TMED2: variants seen among roughly 807,000 people sequenced by gnomAD.
TMED2 encodes transmembrane p24 trafficking protein 2.
TMED2 carries 3 observed loss-of-function variants against 17.5 expected under a neutral mutation model. The ratio of observed to expected loss-of-function variants is 0.17; its 90% CI spans 0.08 to 0.44. The LOEUF is 0.44. Among genes scored for constraint, TMED2 ranks in the 20% least tolerant of loss-of-function variants. TMED2 has a pLI of 0.99. For synonymous variants in TMED2, 95 were observed against 91.0 expected (o/e 1.04, Z -0.25); for missense variants, 149 against 254.8 (o/e 0.58, Z 2.83).
At chr12:123,585,835 C>A (rs568103809) in intron 1 of TMED2, 1 of 152,226 alleles carries the variant, frequency 6.6e-6, no homozygotes, top group Non-Finnish European at 1.5e-5. Flanking sequence ...CTAGTCCTTT[C>A]CCCTAAGCCT....
intron 3 of TMED2, among the ~76,000 whole-genome samples, chr12:123,592,126 GT>G: frequency 6.6e-6 from 1 of 152,312 alleles, no homozygotes; most frequent in South Asian, 2.1e-4. Flanking sequence ...ATCCCCACTT[GT>G]TTTAGGAGTG....
At chr12:123,584,968 C>T in intron 1 of TMED2, 152 bp downstream of exon 1, 4 of 1,010,022 alleles carry the variant, frequency 4.0e-6, no homozygotes, top group Non-Finnish European at 5.6e-6. Context: ...CCCGCCCCGC[C>T]CCGGCCACGG....
intron 2 of TMED2, among the ~76,000 whole-genome samples, chr12:123,588,094 A>G (rs1953365141): frequency 6.6e-6 from 1 of 151,048 alleles, no homozygotes; most frequent in African/African-American, 2.4e-5. Flanking sequence ...TTGCAGTTAG[A>G]GTGTTCATTG....
chr12:123,593,137 A>G (rs1045929199), intron 3 of TMED2, among the ~76,000 whole-genome samples: 9 of 152,188 alleles, frequency 5.9e-5, no homozygotes, highest in African/African-American at 2.2e-4. Context: ...GGAGTTGCCT[A>G]GGCTGGTCTT....
intron 1 of TMED2, chr12:123,585,119 C>A: frequency 3.0e-6 from 1 of 328,188 alleles, no homozygotes; most frequent in Non-Finnish European, 5.8e-6. Context: ...CTTTGTGAAT[C>A]AGGCGCCGCG....
At chr12:123,587,309 G>A (rs906586914) in intron 2 of TMED2, among the ~76,000 whole-genome samples, 5 of 152,112 alleles carry the variant, frequency 3.3e-5, no homozygotes, top group Non-Finnish European at 5.9e-5. Context: ...TGTATTTTTG[G>A]TAGAGACGGG....
chr12:123,586,009 T>A (rs1285926286), intron 1 of TMED2: 5 of 152,258 alleles, frequency 3.3e-5, no homozygotes, highest in Admixed American at 6.5e-5. Context: ...AGCTGGGTGG[T>A]TCTGGCTTGG....
intron 2 of TMED2, among the ~76,000 whole-genome samples, chr12:123,589,136 A>G (rs544120292): frequency 1.3e-5 from 2 of 152,268 alleles, no homozygotes; most frequent in Admixed American, 6.5e-5. Context: ...TCTTCAGAAC[A>G]GTGCCTTGTG....
intron 3 of TMED2, 134 bp from the exon 4 acceptor site, chr12:123,596,471 T>A: frequency 8.5e-7 from 1 of 1,175,968 alleles, no homozygotes; most frequent in South Asian, 2.0e-5. Context: ...CCATCGTAAG[T>A]TGAGGAACAT....
intron 3 of TMED2, among the ~76,000 whole-genome samples, chr12:123,593,518 A>G (rs1361356035): frequency 1.3e-5 from 2 of 152,250 alleles, no homozygotes; most frequent in South Asian, 2.1e-4. Context: ...GGATAGTAAT[A>G]TAGGACGTTT....
intron 2 of TMED2, among the ~76,000 whole-genome samples, chr12:123,589,985 G>GAA (rs147336421): frequency 2.4e-4 from 34 of 142,994 alleles, no homozygotes; most frequent in African/African-American, 3.3e-4. Flanking sequence ...ATCCTGTCTT[G>GAA]AAAAAAAAAA....
rs1482593800 is a variant in TMED2 at position 123,584,736 on chromosome 12, T to G, written c.100T>G (p.Phe34Val). The G allele has an allele frequency of 6.2e-7, 1 of 1,613,818 alleles. No individual in the cohort carries two copies. Among genetic ancestry groups the G allele is most frequent in the Non-Finnish European group, 8.5e-7 (1 of 1,179,914 alleles). ...SIDAHAEECF[F>V]ERVTSGTKMG... is the part of the protein sequence containing the mutation. ...CGACGCCCATGCTGAAGAGTGCTTC[T>G]TTGAGCGGGTCACCTCGGGCACCAA... Residue 34 changes from phenylalanine to valine, a missense_variant, in exon 1 of 4, where the codon TTT becomes GTT. Physicochemically the swap from Phe to Val is conservative, Grantham distance 50. Coordinates refer to ENST00000262225, the MANE Select transcript of TMED2 (RefSeq NM_006815.4).
At chr12:123,594,137 A>AT (rs56102950) in intron 3 of TMED2, among the ~76,000 whole-genome samples, 73,151 of 142,886 alleles carry the variant, frequency 0.51, 20,193 homozygotes, top group East Asian at 0.86. Flanking sequence ...ACTACATAGA[A>AT]TTTTTTTTTT....
At chr12:123,584,890 C>A in intron 1 of TMED2, 74 bp downstream of exon 1, 2 of 1,565,808 alleles carry the variant, frequency 1.3e-6, no homozygotes, top group Non-Finnish European at 1.7e-6. Context: ...GGGACCGGCG[C>A]GGGGCCTGTG....
chr12:123,586,673 G>A, intron 1 of TMED2, 74 bp from the exon 2 acceptor site: 1 of 1,419,560 alleles, frequency 7.0e-7, no homozygotes, highest in Non-Finnish European at 9.4e-7. Context: ...ATTTCTTACT[G>A]CCATTAGACA....
rs1260412083 is a variant in TMED2, at chr12:123,596,778, AC to A, written c.*51del. On this transcript the variant is annotated 3_prime_UTR_variant, in exon 4 of 4. Coordinates refer to ENST00000262225, the MANE Select transcript of TMED2 (RefSeq NM_006815.4). ...ACTCAGAATTCACTGTTTACCAAAC[AC>A]CTTGGTCATAATAATGTCATTAGTT... The A allele has an allele frequency of 6.5e-7, 1 of 1,532,468 alleles. No homozygotes were observed. The highest frequency in any genetic ancestry group is 8.8e-7 in the Non-Finnish European group (1 of 1,141,336). The allele number at this position is 1,532,468 out of a possible 1,614,324, so 94.9% of individuals were successfully genotyped here. A position where few individuals can be genotyped will look rare whatever the true frequency, so the allele number is the denominator to read the frequency against.
At chr12:123,590,488 T>C (rs778617147) in intron 3 of TMED2, 39 bp downstream of exon 3, 59 of 1,504,400 alleles carry the variant, frequency 3.9e-5, no homozygotes, top group Non-Finnish European at 5.1e-5. Flanking sequence ...TGTCTGATGG[T>C]GAAGGTTGTT....
At chr12:123,586,301 T>C (rs112260701) in intron 1 of TMED2, 1 of 152,384 alleles carries the variant, frequency 6.6e-6, no homozygotes, top group African/African-American at 2.4e-5. Flanking sequence ...ATGGTTATTA[T>C]CACTTACCGA....
chr12:123,589,162 A>G (rs1182188175), intron 2 of TMED2, among the ~76,000 whole-genome samples: 1 of 152,194 alleles, frequency 6.6e-6, no homozygotes, highest in Non-Finnish European at 1.5e-5. Context: ...TTTTGGTTCA[A>G]GAGGGATGCC....
Sources: gnomAD v4.1 joint callset for allele counts (sites outside exome capture counted in the v4.1 genomes callset) on GRCh38, gnomAD v4.1.1 for gene constraint, MANE v1.5 for transcripts, NCBI Gene and HGNC (gene_info 2026-07-23, HGNC 2026-07-21) for gene names.